IKZF2: variants seen among roughly 807,000 people sequenced by gnomAD.
IKZF2 encodes zinc finger protein Helios.
A neutral mutation model predicts 49.2 loss-of-function variants in IKZF2; 15 were observed. The observed-to-expected ratio is 0.30, with a 90% confidence interval of 0.20 to 0.47. IKZF2 has a LOEUF of 0.47. Among genes scored for constraint, IKZF2 ranks in the 20% least tolerant of loss-of-function variants. The pLI, the probability that IKZF2 is intolerant of heterozygous loss-of-function variation, is 1.00. For missense variants in IKZF2, 567 were observed against 664.6 expected (o/e 0.85, Z 1.61); for synonymous variants, 227 against 221.4 (o/e 1.03, Z -0.23).
At chr2:213,089,501 T>C (rs1559259804) in intron 4 of IKZF2, among the ~76,000 whole-genome samples, 1 of 152,180 alleles carries the variant, frequency 6.6e-6, no homozygotes, top group Non-Finnish European at 1.5e-5. Flanking sequence ...TTCAGACCAC[T>C]GTAACCAAAC....
intron 4 of IKZF2, among the ~76,000 whole-genome samples, chr2:213,092,078 T>G (rs1410283414): frequency 1.3e-5 from 2 of 152,154 alleles, no homozygotes; most frequent in Non-Finnish European, 2.9e-5. Context: ...CAGGCTGGAG[T>G]GCAGTAGCAC....
intron 4 of IKZF2, among the ~76,000 whole-genome samples, chr2:213,088,673 G>A (rs754058582): frequency 2.0e-4 from 30 of 152,066 alleles, no homozygotes; most frequent in Non-Finnish European, 3.4e-4. Flanking sequence ...CAGGAGAATC[G>A]CTTGAACCCA....
At chr2:213,035,136 T>C (rs1198209856) in intron 6 of IKZF2, among the ~76,000 whole-genome samples, 1 of 152,200 alleles carries the variant, frequency 6.6e-6, no homozygotes, top group African/African-American at 2.4e-5. Context: ...TAGGTTACGT[T>C]AAATTAGGAA....
chr2:213,128,655 T>C (rs1344637401), intron 4 of IKZF2, among the ~76,000 whole-genome samples: 1 of 152,034 alleles, frequency 6.6e-6, no homozygotes, highest in East Asian at 1.9e-4. Flanking sequence ...AGACAGAGTC[T>C]CACTTTCTGT....
At chr2:213,105,624 T>G (rs946574776) in intron 4 of IKZF2, among the ~76,000 whole-genome samples, 4 of 152,072 alleles carry the variant, frequency 2.6e-5, no homozygotes, top group South Asian at 2.1e-4. Context: ...TTACATTTTT[T>G]TCCTAACAAA....
At chr2:213,057,511 T>C (rs1701274618) in intron 4 of IKZF2, among the ~76,000 whole-genome samples, 1 of 152,158 alleles carries the variant, frequency 6.6e-6, no homozygotes, top group Non-Finnish European at 1.5e-5. Flanking sequence ...TTAATGATCA[T>C]TATGTATACT....
intron 4 of IKZF2, among the ~76,000 whole-genome samples, chr2:213,126,106 T>G (rs940986752): frequency 4.6e-5 from 7 of 152,206 alleles, no homozygotes; most frequent in African/African-American, 1.7e-4. Flanking sequence ...CTATTTAGAC[T>G]GCTCTTTAGC....
rs1277091366 is a variant in IKZF2, at chr2:212,999,778, G to T, written c.*7582C>A. ...AAAACTGCACTTACACTTCTGAGAA[G>T]AAATAAATCTTGGACAAATTATATG... On this transcript the variant is annotated 3_prime_UTR_variant, in exon 9 of 9. Transcript: ENST00000434687. 6.6e-6 allele frequency: 1 copy of T among 152,358 alleles called. No homozygotes were observed. The highest frequency in any genetic ancestry group is 2.4e-5 in the African/African-American group (1 of 41,420). The allele number at this position is 152,358 out of a possible 1,614,324, so 9.4% of individuals were successfully genotyped here.
At chr2:213,078,796 C>A (rs550378117) in intron 4 of IKZF2, among the ~76,000 whole-genome samples, 2 of 152,270 alleles carry the variant, frequency 1.3e-5, no homozygotes, top group East Asian at 1.9e-4. Flanking sequence ...GAAAGAAATT[C>A]TGCTGTCATT....
chr2:213,094,157 A>G (rs373014129), intron 4 of IKZF2, among the ~76,000 whole-genome samples: 8 of 152,130 alleles, frequency 5.3e-5, no homozygotes, highest in African/African-American at 1.9e-4. Context: ...TGGTAAAGTG[A>G]GTTGATAAAA....
intron 5 of IKZF2, among the ~76,000 whole-genome samples, chr2:213,055,300 GA>G (rs1701035175): frequency 6.6e-6 from 1 of 152,014 alleles, no homozygotes; most frequent in Non-Finnish European, 1.5e-5. Flanking sequence ...GAGCGTAGAT[GA>G]AAAGTAGATT....
chr2:213,088,798 TAAC>T (rs1307196465), intron 4 of IKZF2, among the ~76,000 whole-genome samples: 2 of 152,156 alleles, frequency 1.3e-5, no homozygotes, highest in Non-Finnish European at 2.9e-5. Context: ...CCAAAATTAA[TAAC>T]AACAATAATG....
chr2:213,136,036 G>A (rs1444645448), intron 4 of IKZF2, among the ~76,000 whole-genome samples: 3 of 139,002 alleles, frequency 2.2e-5, no homozygotes, highest in Admixed American at 7.0e-5. Context: ...GCTACAGAGC[G>A]AGACTCCGTT....
rs112447308 is a variant in IKZF2 at position 213,049,407 on chromosome 2, A to G, written c.574+306T>C. Among the ~76,000 whole-genome samples, 170 of 152,266 alleles carry G rather than the reference A, an allele frequency of 1.1e-3. 2 individuals are homozygous for G. The highest frequency in any genetic ancestry group is 3.8e-3 in the African/African-American group (160 of 41,574). On this transcript the variant is annotated intron_variant, in intron 6 of 8. Coordinates refer to ENST00000434687, the MANE Select transcript of IKZF2 (RefSeq NM_001387220.1). ...GATCTTCACTTATCTTGGATTAACC[A>G]TAATGACTGCATTCTTAATTGTAAA...
At chr2:213,099,711 A>G (rs1325137154) in intron 4 of IKZF2, among the ~76,000 whole-genome samples, 1 of 152,188 alleles carries the variant, frequency 6.6e-6, no homozygotes, top group Non-Finnish European at 1.5e-5. Context: ...TATGAACAAA[A>G]GCATGTTTTA....
chr2:213,080,849 G>A (rs951128415), intron 4 of IKZF2, among the ~76,000 whole-genome samples: 6 of 151,578 alleles, frequency 4.0e-5, no homozygotes, highest in African/African-American at 1.5e-4. Context: ...GAAAAAAAAA[G>A]CTATTTACTA....
chr2:213,035,515 A>G (rs1233408352), intron 6 of IKZF2, among the ~76,000 whole-genome samples: 1 of 152,216 alleles, frequency 6.6e-6, no homozygotes, highest in Non-Finnish European at 1.5e-5. Flanking sequence ...TGCTTCTGGT[A>G]GGTTGCTTAT....
chr2:213,111,660 C>T (rs1262093977), intron 4 of IKZF2, among the ~76,000 whole-genome samples: 6 of 152,022 alleles, frequency 3.9e-5, no homozygotes, highest in African/African-American at 1.4e-4. Flanking sequence ...AATTACTGAG[C>T]ATGCGTATGT....
intron 7 of IKZF2, among the ~76,000 whole-genome samples, chr2:213,019,970 T>C (rs749829435): frequency 2.0e-5 from 3 of 152,216 alleles, no homozygotes; most frequent in Middle Eastern, 6.3e-3. Context: ...TATTTACATT[T>C]TACCTCCCTA....
Sources: allele counts gnomAD v4.1 joint callset (sites outside exome capture counted in the v4.1 genomes callset), GRCh38; gene constraint gnomAD v4.1.1; transcripts MANE v1.5; gene names NCBI Gene and HGNC (gene_info 2026-07-23, HGNC 2026-07-21).